MIPOL1: variants seen among roughly 807,000 people sequenced by gnomAD.
MIPOL1 encodes the protein mirror-image polydactyly 1, also known as mirror-image polydactyly gene 1 protein.
Under a neutral mutation model 60.9 loss-of-function variants are expected in MIPOL1, and 57 were observed. That is an observed-to-expected ratio of 0.94 (90% confidence interval 0.76 to 1.17). The LOEUF (loss-of-function observed/expected upper bound fraction) is 1.17. Ranked by LOEUF, MIPOL1 falls within the 50% of genes most tolerant of loss-of-function variation. MIPOL1 has a pLI of 0.00. For missense variants in MIPOL1, 551 were observed against 511.6 expected, an observed-to-expected ratio of 1.08 and a Z score of -0.74; for synonymous variants, 179 against 168.8, an observed-to-expected ratio of 1.06 and a Z score of -0.47.
At position 37,428,626 on chromosome 14, in the gene MIPOL1, CT is replaced by C. The variant is rs199929430; in HGVS notation, c.1031+5685del. Among the ~76,000 whole-genome samples, 5 of 145,040 alleles carry C rather than the reference CT, an allele frequency of 3.4e-5. No homozygotes were observed. In the South Asian group the frequency reaches 1.1e-3, roughly 32 times the overall value. On this transcript the variant is annotated intron_variant, in intron 11 of 12. Transcript: ENST00000684589. ...TTCTTTACTAATTAGTGATACTGGCCTTTTTTTTAAAAAAGTGGGTTTTTTT... is the reference window on the plus strand; with the variant it reads ...TTCTTTACTAATTAGTGATACTGGCCTTTTTTTAAAAAAGTGGGTTTTTTT...
intron 12 of MIPOL1, among the ~76,000 whole-genome samples, chr14:37,545,232 T>C (rs963613630): frequency 7.2e-5 from 11 of 152,224 alleles, no homozygotes; most frequent in African/African-American, 2.4e-4. Context: ...CAAGTTACTA[T>C]CAGATTTTAA....
At chr14:37,295,042 G>A (rs886170951) in intron 7 of MIPOL1, among the ~76,000 whole-genome samples, 3 of 152,120 alleles carry the variant, frequency 2.0e-5, no homozygotes, top group Admixed American at 1.3e-4. Context: ...AAATGTTCAG[G>A]GCAGCCAGAG....
At chr14:37,325,262 C>T (rs764416235) in intron 9 of MIPOL1, among the ~76,000 whole-genome samples, 3 of 151,924 alleles carry the variant, frequency 2.0e-5, no homozygotes, top group African/African-American at 7.2e-5. Context: ...AGCAAAATTC[C>T]GTTTACCCTC....
chr14:37,251,880 T>C (rs1433080255), intron 3 of MIPOL1, among the ~76,000 whole-genome samples: 1 of 151,976 alleles, frequency 6.6e-6, no homozygotes, highest in Non-Finnish European at 1.5e-5. Context: ...CTTGCAATTT[T>C]GTAGGTAAAA....
intron 11 of MIPOL1, among the ~76,000 whole-genome samples, chr14:37,494,799 C>A (rs1322679477): frequency 6.6e-6 from 1 of 152,154 alleles, no homozygotes; most frequent in East Asian, 1.9e-4. Context: ...CATGCTATTG[C>A]AGGTTTTTAA....
intron 5 of MIPOL1, among the ~76,000 whole-genome samples, chr14:37,269,536 G>A (rs1035820983): frequency 6.6e-6 from 1 of 151,960 alleles, no homozygotes; most frequent in African/African-American, 2.4e-5. Context: ...AAAAACATGT[G>A]GAGGGATTCT....
At chr14:37,369,684 C>T (rs2092586138) in intron 10 of MIPOL1, 60 bp downstream of exon 10, 8 of 1,268,258 alleles carry the variant, frequency 6.3e-6, no homozygotes, top group Non-Finnish European at 9.1e-6. Flanking sequence ...TGCCAGCTTT[C>T]TGTGCTGCAT....
intron 3 of MIPOL1, among the ~76,000 whole-genome samples, chr14:37,248,266 G>C (rs1973500869): frequency 6.6e-6 from 1 of 151,988 alleles, no homozygotes; most frequent in African/African-American, 2.4e-5. Context: ...GCCACATTCA[G>C]AGAAAGAAAA....
chr14:37,514,097 A>G (rs956864021), intron 12 of MIPOL1, among the ~76,000 whole-genome samples: 5 of 152,168 alleles, frequency 3.3e-5, no homozygotes, highest in African/African-American at 1.2e-4. Context: ...CATTTTTTAT[A>G]CCTTAGATTC....
At chr14:37,463,554 A>G (rs1225007802) in intron 11 of MIPOL1, among the ~76,000 whole-genome samples, 2 of 152,214 alleles carry the variant, frequency 1.3e-5, no homozygotes, top group Non-Finnish European at 2.9e-5. Context: ...TTGGATAGCC[A>G]TATGCAGAAT....
chr14:37,244,688 G>A (rs1044202470), intron 1 of MIPOL1, among the ~76,000 whole-genome samples: 1 of 151,876 alleles, frequency 6.6e-6, no homozygotes, highest in Non-Finnish European at 1.5e-5. Flanking sequence ...TGTAATGTTA[G>A]CATTTGGATT....
At chr14:37,472,456 C>A (rs901084818) in intron 11 of MIPOL1, among the ~76,000 whole-genome samples, 1 of 151,968 alleles carries the variant, frequency 6.6e-6, no homozygotes, top group African/African-American at 2.4e-5. Flanking sequence ...TGAGAGTGTG[C>A]AGAGCACCTC....
At chr14:37,455,206 C>T (rs2094464416) in intron 11 of MIPOL1, among the ~76,000 whole-genome samples, 1 of 152,202 alleles carries the variant, frequency 6.6e-6, no homozygotes, top group African/African-American at 2.4e-5. Flanking sequence ...TATGAGTCAA[C>T]AAATTGCATC....
At chr14:37,526,369 C>CTTTTTTTTTT (rs1191140443) in intron 12 of MIPOL1, among the ~76,000 whole-genome samples, 1 of 128,204 alleles carries the variant, frequency 7.8e-6, no homozygotes, top group Non-Finnish European at 1.7e-5. Context: ...TACTTCTTTT[C>CTTTTTTTTTT]TTTTTTTTTT....
intron 10 of MIPOL1, among the ~76,000 whole-genome samples, chr14:37,384,710 A>G (rs1365164920): frequency 6.6e-6 from 1 of 151,968 alleles, no homozygotes; most frequent in Non-Finnish European, 1.5e-5. Flanking sequence ...CTTGATGTAT[A>G]TGGTGAAATA....
At chr14:37,257,132 T>TGTG (rs1555371896) in intron 3 of MIPOL1, among the ~76,000 whole-genome samples, 1 of 149,534 alleles carries the variant, frequency 6.7e-6, no homozygotes, top group African/African-American at 2.5e-5. Flanking sequence ...TGTGTGTGTG[T>TGTG]TTGAGAAACA....
chr14:37,325,034 A>G (rs1440977493), intron 9 of MIPOL1, among the ~76,000 whole-genome samples: 2 of 152,236 alleles, frequency 1.3e-5, no homozygotes, highest in South Asian at 4.1e-4. Flanking sequence ...ATTTTCCTGT[A>G]ATCGTTAAGA....
chr14:37,456,262 G>A (rs530604206), intron 11 of MIPOL1, among the ~76,000 whole-genome samples: 128 of 151,628 alleles, frequency 8.4e-4, no homozygotes, highest in Non-Finnish European at 1.6e-3. Flanking sequence ...ATATTTTCTT[G>A]AATAGTTAAC....
chr14:37,491,225 T>C (rs77272708), intron 11 of MIPOL1, among the ~76,000 whole-genome samples: 12,424 of 152,254 alleles, frequency 0.082, 1,730 homozygotes, highest in African/African-American at 0.28. Flanking sequence ...TACTGTAGTA[T>C]ATTTAATAGT....
Sources: allele counts gnomAD v4.1 joint callset (sites outside exome capture counted in the v4.1 genomes callset), GRCh38; gene constraint gnomAD v4.1.1; transcripts MANE v1.5; gene names NCBI Gene and HGNC (gene_info 2026-07-23, HGNC 2026-07-21).